The following STARD13 variants were observed in gnomAD, a reference collection of about 807,000 sequenced individuals.
STARD13 encodes the protein StAR related lipid transfer domain containing 13.
Under a neutral mutation model 106.4 loss-of-function variants are expected in STARD13, and 62 were observed. That is an observed-to-expected ratio of 0.58 (90% confidence interval 0.48 to 0.72). The LOEUF is 0.72. STARD13 is among the 30% of genes least tolerant of loss of function. The pLI is 0.00. For synonymous variants in STARD13, 565 were observed against 553.0 expected, an observed-to-expected ratio of 1.02 and a Z score of -0.31; for missense variants, 1,387 against 1,424.0, an observed-to-expected ratio of 0.97 and a Z score of 0.42.
the STARD13 span, among the ~76,000 whole-genome samples, chr13:33,563,109 A>C: frequency 6.8e-6 from 1 of 147,334 alleles, no homozygotes; most frequent in East Asian, 2.0e-4. Context: ...CAAAAAAATG[A>C]AAAGATATTC....
the STARD13 span, among the ~76,000 whole-genome samples, chr13:33,421,016 G>A: frequency 9.2e-5 from 14 of 152,098 alleles, no homozygotes; most frequent in African/African-American, 2.9e-4. Flanking sequence ...AACTAAAATC[G>A]ACATGCTAAC....
At chr13:33,413,053 A>G in the STARD13 span, among the ~76,000 whole-genome samples, 1 of 152,226 alleles carries the variant, frequency 6.6e-6, no homozygotes, top group Non-Finnish European at 1.5e-5. Flanking sequence ...AACAATTGAA[A>G]TAAAACAAAA....
the STARD13 span, among the ~76,000 whole-genome samples, chr13:33,620,011 C>T: frequency 2.0e-5 from 3 of 151,912 alleles, no homozygotes; most frequent in Non-Finnish European, 4.4e-5. Flanking sequence ...GAGCTAAGAT[C>T]GTGCCACTAT....
the STARD13 span, among the ~76,000 whole-genome samples, chr13:33,448,772 T>C: frequency 3.9e-5 from 6 of 152,294 alleles, no homozygotes; most frequent in East Asian, 9.6e-4. Context: ...CATTTGTTAC[T>C]GTTTGTCCTT....
At chr13:33,637,031 C>A in the STARD13 span, among the ~76,000 whole-genome samples, 1,159 of 152,264 alleles carry the variant, frequency 7.6e-3, 14 homozygotes, top group African/African-American at 0.026. Flanking sequence ...CCTGAAAGCA[C>A]CATGAAGGAA....
chr13:33,180,928 T>A (rs930075132), intron 1 of STARD13, among the ~76,000 whole-genome samples: 17 of 152,184 alleles, frequency 1.1e-4, no homozygotes, highest in Admixed American at 1.3e-4. Context: ...CATAATTTTT[T>A]AAAAAATTTA....
the STARD13 span, among the ~76,000 whole-genome samples, chr13:33,529,428 A>G: frequency 1.3e-5 from 2 of 152,176 alleles, no homozygotes; most frequent in Non-Finnish European, 2.9e-5. Context: ...ACTGAACCCA[A>G]TGGTGTTACA....
intron 1 of STARD13, among the ~76,000 whole-genome samples, chr13:33,189,507 A>C (rs752172383): frequency 6.7e-6 from 1 of 150,346 alleles, no homozygotes; most frequent in Non-Finnish European, 1.5e-5. Flanking sequence ...TTCCTAAACA[A>C]ATTCAGTCCT....
chr13:33,486,155 C>T, the STARD13 span, among the ~76,000 whole-genome samples: 1 of 152,116 alleles, frequency 6.6e-6, no homozygotes. Context: ...CCCAGAGACT[C>T]CTGAAGTGTC....
At chr13:33,525,409 C>T in the STARD13 span, among the ~76,000 whole-genome samples, 4 of 151,960 alleles carry the variant, frequency 2.6e-5, no homozygotes, top group African/African-American at 7.3e-5. Context: ...TCTTTTAAGC[C>T]TTATGATTTC....
At chr13:33,272,712 CA>C (rs1320186470) in intron 1 of STARD13, 1 of 152,238 alleles carries the variant, frequency 6.6e-6, no homozygotes, top group East Asian at 1.9e-4. Flanking sequence ...TGTCTCAACT[CA>C]ACGTCATTCC....
upstream of STARD13, among the ~76,000 whole-genome samples, chr13:33,286,791 C>A (rs1892078609): frequency 6.6e-6 from 1 of 151,796 alleles, no homozygotes; most frequent in South Asian, 2.1e-4. Context: ...AGATCCAGAA[C>A]CAGAGTATAT....
the STARD13 span, among the ~76,000 whole-genome samples, chr13:33,415,547 G>C: frequency 5.3e-5 from 8 of 152,048 alleles, no homozygotes; most frequent in African/African-American, 1.9e-4. Flanking sequence ...AATTTTACTA[G>C]GAAATGAAGA....
chr13:33,380,911 G>A, the STARD13 span, among the ~76,000 whole-genome samples: 2 of 152,158 alleles, frequency 1.3e-5, no homozygotes. Flanking sequence ...GCACAGCATG[G>A]CATGGCAGAC....
At chr13:33,303,233 A>G (rs1420554307) in intron 1 of STARD13, among the ~76,000 whole-genome samples, 2 of 152,002 alleles carry the variant, frequency 1.3e-5, no homozygotes, top group Non-Finnish European at 2.9e-5. Context: ...CTTTTTTGTC[A>G]TCTCTTATTG....
At chr13:33,519,381 C>T in the STARD13 span, among the ~76,000 whole-genome samples, 1 of 147,044 alleles carries the variant, frequency 6.8e-6, no homozygotes, top group East Asian at 2.0e-4. Flanking sequence ...AAGATGGAAC[C>T]CCATCACCAT....
At chr13:33,440,767 A>ATTT in the STARD13 span, among the ~76,000 whole-genome samples, 63 of 60,114 alleles carry the variant, frequency 1.0e-3, 5 homozygotes, top group Non-Finnish European at 1.6e-3. Context: ...GAAAACAGCG[A>ATTT]TTTTTTTTTT....
At chr13:33,624,353 G>A in the STARD13 span, among the ~76,000 whole-genome samples, 1 of 152,234 alleles carries the variant, frequency 6.6e-6, no homozygotes, top group Non-Finnish European at 1.5e-5. Context: ...CTGTAAGGGT[G>A]ATCTTGGACA....
At chr13:33,160,951 T>A (rs891419464) in intron 3 of STARD13, among the ~76,000 whole-genome samples, 3 of 152,186 alleles carry the variant, frequency 2.0e-5, no homozygotes, top group Non-Finnish European at 2.9e-5. Flanking sequence ...TAAATGCTCA[T>A]ACAAAAACTT....
Sources: gnomAD v4.1 joint callset for allele counts (sites outside exome capture counted in the v4.1 genomes callset) on GRCh38, gnomAD v4.1.1 for gene constraint, MANE v1.5 for transcripts, NCBI Gene and HGNC (gene_info 2026-07-23, HGNC 2026-07-21) for gene names.